PDE6C: variants seen among roughly 807,000 people sequenced by gnomAD.
The protein encoded by PDE6C is phosphodiesterase 6C, also known as cone cGMP-specific 3',5'-cyclic phosphodiesterase subunit alpha'.
In PDE6C, 75 loss-of-function variants were observed where a neutral mutation model predicts 113.1. The observed-to-expected ratio is 0.66, with a 90% confidence interval of 0.55 to 0.80. The LOEUF is 0.80. Among genes scored for constraint, PDE6C ranks in the 30% least tolerant of loss-of-function variants. PDE6C has a pLI of 0.00. For missense variants in PDE6C, 912 were observed against 1,038.6 expected, an observed-to-expected ratio of 0.88 and a Z score of 1.67; for synonymous variants, 375 against 363.7, an observed-to-expected ratio of 1.03 and a Z score of -0.35.
In PDE6C at chr10:93,657,953, T is replaced by C. The variant is rs191565381; in HGVS notation, c.2037-948T>C. Among the ~76,000 whole-genome samples, 8 of 152,048 alleles carry C rather than the reference T, an allele frequency of 5.3e-5. No homozygotes were observed. The East Asian group carries it at 1.5e-3, about 29-fold the overall frequency. Reference sequence around the variant, plus strand: ...TGGGAGGCCAAGGCAGGAGGATCACTTGAGGCCAGGAATTTGAGACCAGCC... The same window carrying C: ...TGGGAGGCCAAGGCAGGAGGATCACCTGAGGCCAGGAATTTGAGACCAGCC... On this transcript the variant is annotated intron_variant, in intron 16 of 21. Coordinates refer to ENST00000371447, the MANE Select transcript of PDE6C (RefSeq NM_006204.4).
Position 93,633,480 on chromosome 10 carries a change from AT to A in PDE6C, c.1120-1277del, listed in dbSNP as rs200659189. On this transcript the variant is annotated intron_variant, in intron 8 of 21. Transcript: ENST00000371447. ...GACCCTGTCTCAAAAAAAAAAAAAAATAAAAAAAAATAAACAAGCTAAAACA... is the reference window on the plus strand; with the variant it reads ...GACCCTGTCTCAAAAAAAAAAAAAAAAAAAAAAAATAAACAAGCTAAAACA... Among the ~76,000 whole-genome samples the A allele has an allele frequency of 3.7e-4, 52 of 141,378 alleles. 2 individuals carry two copies. Among genetic ancestry groups the A allele is most frequent in the South Asian group, 2.5e-3 (11 of 4,334 alleles). The allele number at this position is 141,378 out of a possible 152,430, so 92.7% of individuals were successfully genotyped here.
Position 93,637,054 on chromosome 10 carries a change from T to C in PDE6C, c.1473T>C (p.Val491=). The C allele has an allele frequency of 6.3e-7, 1 of 1,589,000 alleles. No homozygotes were observed. The highest frequency in any genetic ancestry group is 8.6e-7 in the Non-Finnish European group (1 of 1,157,440). The change falls in exon 11 of 22, where the codon GTT becomes GTC. Residue 491 remains valine, a synonymous_variant. Transcript: ENST00000371447. ...ACGACTGTGAAGAAAAACAACTTGT[T>C]GCAATTTTGGTAAGTGTTTTCTTTC... ...VIDDCEEKQL[V]AILKEDLPDP...
intron 1 of PDE6C, among the ~76,000 whole-genome samples, chr10:93,619,419 C>T (rs1211381789): frequency 1.3e-5 from 2 of 152,072 alleles, no homozygotes; most frequent in Admixed American, 6.6e-5. Flanking sequence ...GAATGTGAAC[C>T]TTTCTTTTTC....
chr10:93,640,227 AT>A lies in PDE6C; in HGVS notation c.1629+14del, dbSNP rs1475451209. Reference sequence around the variant, plus strand: ...AAAGTACCTGTAGAGGTCAGAGGGTATTTAATTTAAAATACTGTGTGATTCT... The same window carrying A: ...AAAGTACCTGTAGAGGTCAGAGGGTATTAATTTAAAATACTGTGTGATTCT... On this transcript the variant is annotated intron_variant, in intron 12 of 21. Transcript: ENST00000371447. 7 of 1,609,186 alleles carry A rather than the reference AT, an allele frequency of 4.4e-6. No homozygotes were observed. Among genetic ancestry groups the A allele is most frequent in the Non-Finnish European group, 6.0e-6 (7 of 1,175,610 alleles).
chr10:93,615,524 G>C (rs1310304763), intron 1 of PDE6C, among the ~76,000 whole-genome samples: 1 of 152,172 alleles, frequency 6.6e-6, no homozygotes, highest in Non-Finnish European at 1.5e-5. Context: ...TGGGACTACA[G>C]AGGTGCGCCA....
rs750759291 is a variant in PDE6C, at chr10:93,622,059, T to C, written c.851T>C (p.Met284Thr). ...CERYSIGLLD[M>T]TKEKEFYDEW... is the part of the protein sequence containing the mutation. ...CGATACTCCATTGGACTGCTGGACA[T>C]GACCAAGGAGAAGGTTCTTATTATT... The change falls in exon 4 of 22, where the codon ATG becomes ACG. Residue 284 changes from methionine to threonine, a missense_variant. Physicochemically the swap from Met to Thr is moderately conservative, Grantham distance 81. Transcript: ENST00000371447. 6 of 1,613,906 alleles carry C rather than the reference T, an allele frequency of 3.7e-6. No individual in the cohort carries two copies. In the South Asian group the frequency reaches 4.4e-5, roughly 12 times the overall value.
At chr10:93,663,358 C>G (rs565443371) in intron 21 of PDE6C, among the ~76,000 whole-genome samples, 180 bp downstream of exon 21, 1 of 152,168 alleles carries the variant, frequency 6.6e-6, no homozygotes, top group Non-Finnish European at 1.5e-5. Context: ...CCACAGACAA[C>G]ATCTTATGTA....
At position 93,612,972 on chromosome 10, in the gene PDE6C, G is replaced by A. The variant is rs534132522; in HGVS notation, c.247G>A (p.Ala83Thr). 4.8e-5 allele frequency: 77 copies of A among 1,614,020 alleles called. No individual in the cohort carries two copies. The South Asian group carries it at 7.8e-4, about 16-fold the overall frequency. Residue 83 changes from alanine (A) to threonine (T), a missense_variant, in exon 1 of 22, where the codon GCC (alanine) becomes ACC (threonine). By Grantham distance (58) the Ala-to-Thr change is moderately conservative. Transcript: ENST00000371447. Reference protein sequence around the residue: ...GGTPEQGVHRALQRLAHLLQA... With the variant: ...GGTPEQGVHRTLQRLAHLLQA... ...CACCCCAGAGCAGGGGGTTCACAGG[G>A]CCCTGCAGAGGCTGGCCCACCTGCT...
chr10:93,644,029 T>A (rs1564802093), intron 14 of PDE6C, among the ~76,000 whole-genome samples: 1 of 152,224 alleles, frequency 6.6e-6, no homozygotes, highest in Non-Finnish European at 1.5e-5. Context: ...TGTTTCAGGA[T>A]GTTGATGTTT....
chr10:93,662,880 C>A, intron 20 of PDE6C, 148 bp from the exon 21 acceptor site: 1 of 736,590 alleles, frequency 1.4e-6, no homozygotes, highest in Non-Finnish European at 2.3e-6. Context: ...GCACGTGTCT[C>A]TTTCCCAAAC....
chr10:93,665,058 A>G lies in PDE6C; in HGVS notation c.2519-302A>G, dbSNP rs149867745. Among the ~76,000 whole-genome samples, 871 of 152,172 alleles carry G rather than the reference A, an allele frequency of 5.7e-3. 6 individuals are homozygous for G. Among genetic ancestry groups the G allele is most frequent in the African/African-American group, 0.02 (823 of 41,502 alleles). On this transcript the variant is annotated intron_variant, in intron 21 of 21. Coordinates refer to ENST00000371447, the MANE Select transcript of PDE6C (RefSeq NM_006204.4). ...TAATTTTTATATTTTTAGTAGAGAC[A>G]GGGTTTCACCATATTGACCAGGCTG...
chr10:93,655,789 G>A lies in PDE6C; in HGVS notation c.1965G>A (p.Lys655=). 6.2e-7 allele frequency: 1 copy of A among 1,606,836 alleles called. No individual in the cohort carries two copies. Among genetic ancestry groups the A allele is most frequent in the South Asian group, 1.1e-5 (1 of 90,898 alleles). The part of the protein sequence containing the change: ...ESLNIFQNLN[K]RQFETVIHLF... ...TAAACATCTTCCAGAACCTAAATAA[G>A]CGGCAGTTTGAAACAGTTATTCATT... Residue 655 remains lysine (K), a synonymous_variant, in exon 16 of 22, where the codon AAG becomes AAA. Coordinates refer to ENST00000371447, the MANE Select transcript of PDE6C (RefSeq NM_006204.4).
chr10:93,664,924 A>C (rs527512193), intron 21 of PDE6C, among the ~76,000 whole-genome samples: 1 of 152,316 alleles, frequency 6.6e-6, no homozygotes, highest in South Asian at 2.1e-4. Context: ...GCTGGAGTGC[A>C]ATGGCATGAT....
chr10:93,650,883 A>T (rs1157755756), intron 15 of PDE6C, among the ~76,000 whole-genome samples: 1 of 111,246 alleles, frequency 9.0e-6, no homozygotes, highest in African/African-American at 2.7e-5. Flanking sequence ...GTTTTATATG[A>T]TATATTTTTT....
Sources: allele counts gnomAD v4.1 joint callset (sites outside exome capture counted in the v4.1 genomes callset), GRCh38; gene constraint gnomAD v4.1.1; transcripts MANE v1.5; gene names NCBI Gene and HGNC (gene_info 2026-07-23, HGNC 2026-07-21).